Variants in HAO1 observed in about 807,000 individuals in gnomAD.
The protein encoded by HAO1 is hydroxyacid oxidase 1, also known as 2-Hydroxyacid oxidase 1.
In HAO1, 34 loss-of-function variants were observed where a neutral mutation model predicts 39.7. That is an observed-to-expected ratio of 0.86 (90% confidence interval 0.65 to 1.14). The LOEUF (loss-of-function observed/expected upper bound fraction) is 1.14, where lower values mean the gene tolerates loss of function less well. HAO1 is among the 50% of genes most tolerant of loss of function. HAO1 has a pLI of 0.00. For missense variants in HAO1, 479 were observed against 464.5 expected, an observed-to-expected ratio of 1.03 and a Z score of -0.29; for synonymous variants, 172 against 173.2, an observed-to-expected ratio of 0.99 and a Z score of 0.05.
In HAO1 at chr20:7,934,614, C is replaced by G. The variant is rs1391296068; in HGVS notation, c.159G>C (p.Met53Ile). 9 of 1,608,972 alleles carry G rather than the reference C, an allele frequency of 5.6e-6. No individual in the cohort carries two copies. In the Admixed American group the frequency reaches 1.5e-4, roughly 27 times the overall value. ...GATCTGTTTCAGCAACATTCCGGAG[C>G]ATCCTTGGATACAGCTTCCATCTAG... ...AFSRWKLYPR[M>I]LRNVAETDLS... The change falls in exon 2 of 8, where the codon ATG becomes ATC. Residue 53 changes from methionine (M) to isoleucine (I), a missense_variant. Coordinates refer to ENST00000378789, the MANE Select transcript of HAO1 (RefSeq NM_017545.3).
rs144042939 is a variant in HAO1 at position 7,885,951 on chromosome 20, C to G, written c.814-87G>C. 7.3e-3 allele frequency: 8,303 copies of G among 1,141,024 alleles called. 38 individuals are homozygous for G. Among genetic ancestry groups the G allele is most frequent in the Non-Finnish European group, 8.9e-3 (6,840 of 770,490 alleles). The allele number at this position is 1,141,024 out of a possible 1,614,324, so 70.7% of individuals were successfully genotyped here. A position where few individuals can be genotyped will look rare whatever the true frequency, so the allele number is the denominator to read the frequency against. On this transcript the variant is annotated intron_variant, in intron 5 of 7. Coordinates refer to ENST00000378789, the MANE Select transcript of HAO1 (RefSeq NM_017545.3). ...CTCCAAAAACCACTGACACATCCAG[C>G]TAGGGCTTAGAGTGAAAGAAGCCAA...
intron 4 of HAO1, among the ~76,000 whole-genome samples, chr20:7,904,581 T>TA (rs1337417176): frequency 3.3e-5 from 5 of 152,176 alleles, no homozygotes; most frequent in South Asian, 2.1e-4. Context: ...AACCCACTCT[T>TA]ACATTATTGC....
At chr20:7,898,440 A>G (rs1233574317) in intron 4 of HAO1, among the ~76,000 whole-genome samples, 1 of 152,110 alleles carries the variant, frequency 6.6e-6, no homozygotes, top group African/African-American at 2.4e-5. Flanking sequence ...TGGTGTATAC[A>G]TATTTGCATT....
intron 2 of HAO1, among the ~76,000 whole-genome samples, chr20:7,917,472 T>C (rs77018741): frequency 0.089 from 13,559 of 152,002 alleles, 760 homozygotes; most frequent in African/African-American, 0.16. Context: ...TCCCTACATG[T>C]CTAAATGACT....
intron 5 of HAO1, among the ~76,000 whole-genome samples, chr20:7,891,333 T>C (rs897951167): frequency 6.6e-6 from 1 of 152,234 alleles, no homozygotes; most frequent in Non-Finnish European, 1.5e-5. Flanking sequence ...GTTGGCCATT[T>C]GTATATCTTC....
chr20:7,900,425 A>G (rs1224224197), intron 4 of HAO1, among the ~76,000 whole-genome samples: 1 of 152,180 alleles, frequency 6.6e-6, no homozygotes, highest in Non-Finnish European at 1.5e-5. Context: ...AAGCAAGTGT[A>G]TCAGCACTAT....
At chr20:7,911,261 A>G (rs1485710326) in intron 3 of HAO1, among the ~76,000 whole-genome samples, 2 of 152,206 alleles carry the variant, frequency 1.3e-5, no homozygotes, top group African/African-American at 2.4e-5. Context: ...TTAGTGTGAT[A>G]TATTCTGGCT....
At chr20:7,900,524 T>C (rs1019337610) in intron 4 of HAO1, among the ~76,000 whole-genome samples, 3 of 152,168 alleles carry the variant, frequency 2.0e-5, no homozygotes, top group African/African-American at 7.2e-5. Context: ...GTTACATCTG[T>C]TACGGTGATC....
At chr20:7,911,415 G>A (rs1301429409) in intron 3 of HAO1, among the ~76,000 whole-genome samples, 2 of 152,162 alleles carry the variant, frequency 1.3e-5, no homozygotes, top group Admixed American at 6.5e-5. Flanking sequence ...GCACTGCACC[G>A]AAGGGCCAAA....
At chr20:7,894,430 T>C (rs930560035) in intron 5 of HAO1, among the ~76,000 whole-genome samples, 2 of 152,160 alleles carry the variant, frequency 1.3e-5, no homozygotes, top group African/African-American at 4.8e-5. Context: ...TGGAATCTCC[T>C]GATAGCTTTA....
intron 2 of HAO1, among the ~76,000 whole-genome samples, chr20:7,917,933 A>G (rs909866906): frequency 2.6e-5 from 4 of 152,226 alleles, no homozygotes; most frequent in African/African-American, 9.6e-5. Flanking sequence ...ATGCATATTT[A>G]GAGAGAAGCA....
chr20:7,887,705 A>C (rs894570703), intron 5 of HAO1, among the ~76,000 whole-genome samples: 6 of 152,204 alleles, frequency 3.9e-5, no homozygotes, highest in African/African-American at 1.2e-4. Context: ...GCTTGGGTTC[A>C]ATACACATTT....
chr20:7,903,300 T>G (rs1254145079), intron 4 of HAO1, among the ~76,000 whole-genome samples: 1 of 152,170 alleles, frequency 6.6e-6, no homozygotes, highest in Non-Finnish European at 1.5e-5. Flanking sequence ...CTTTTTTTTT[T>G]TTTTTGAGCT....
chr20:7,918,848 C>T (rs1328206082), intron 2 of HAO1, among the ~76,000 whole-genome samples: 1 of 152,202 alleles, frequency 6.6e-6, no homozygotes, highest in African/African-American at 2.4e-5. Context: ...TTATCCTAGC[C>T]TATGGCTTGA....
At chr20:7,896,453 A>G (rs2050198298) in intron 4 of HAO1, among the ~76,000 whole-genome samples, 1 of 152,198 alleles carries the variant, frequency 6.6e-6, no homozygotes, top group Non-Finnish European at 1.5e-5. Context: ...AGACAAGATA[A>G]TTATTTTATA....
At chr20:7,920,463 T>C (rs1446462177) in intron 2 of HAO1, among the ~76,000 whole-genome samples, 1 of 152,170 alleles carries the variant, frequency 6.6e-6, no homozygotes, top group Non-Finnish European at 1.5e-5. Context: ...TTTTAAGATA[T>C]ACAATACATT....
At chr20:7,916,554 G>A (rs2050307907) in intron 2 of HAO1, among the ~76,000 whole-genome samples, 1 of 152,138 alleles carries the variant, frequency 6.6e-6, no homozygotes, top group African/African-American at 2.4e-5. Flanking sequence ...AGAGCTTCTG[G>A]TCCAGTAAGT....
intron 2 of HAO1, among the ~76,000 whole-genome samples, chr20:7,915,539 T>C (rs1351589639): frequency 1.3e-5 from 2 of 152,104 alleles, no homozygotes; most frequent in African/African-American, 4.8e-5. Context: ...CACAAACACA[T>C]GAGCCAATTC....
In HAO1 at chr20:7,920,213, T is replaced by C. The variant is rs2050324622; in HGVS notation, c.290-5794A>G. ...TGGTTTTATAAGGGACTCTTCCCCC[T>C]TCACTTCACACACAGGATCTCTTAC... On this transcript the variant is annotated intron_variant, in intron 2 of 7. Transcript: ENST00000378789. Among the ~76,000 whole-genome samples the C allele has an allele frequency of 2.6e-5, 4 of 152,208 alleles. No homozygotes were observed. The South Asian group carries it at 8.3e-4, about 32-fold the overall frequency.
Sources: allele counts gnomAD v4.1 joint callset (sites outside exome capture counted in the v4.1 genomes callset), GRCh38; gene constraint gnomAD v4.1.1; transcripts MANE v1.5; gene names NCBI Gene and HGNC (gene_info 2026-07-23, HGNC 2026-07-21).